Variants in EIF4G3 observed in about 807,000 individuals in gnomAD.
EIF4G3 encodes eIF-4-gamma 3.
Under a neutral mutation model 186.4 loss-of-function variants are expected in EIF4G3, and 34 were observed. The observed-to-expected ratio is 0.18, with a 90% confidence interval of 0.14 to 0.24. The LOEUF is 0.24. Ranked by LOEUF, EIF4G3 falls within the 10% of genes least tolerant of loss-of-function variation. EIF4G3 has a pLI of 1.00. For synonymous variants in EIF4G3, 673 were observed against 679.5 expected (o/e 0.99, Z 0.15); for missense variants, 1,536 against 1,948.5 (o/e 0.79, Z 3.99).
rs114614174 is a variant in EIF4G3, at chr1:20,847,007, T to C, written c.3888+2408A>G. ...AAAAAATATTTTTAAGATCAGCTCT[T>C]TAAGTCTTTAGCCTGACACACTAAT... is the stretch of plus-strand genomic sequence containing the variant. On this transcript the variant is annotated intron_variant, in intron 29 of 36. Transcript: ENST00000602326. Among the ~76,000 whole-genome samples the C allele has an allele frequency of 5.2e-3, 786 of 152,330 alleles. 7 individuals are homozygous for C. The highest frequency in any genetic ancestry group is 0.018 in the African/African-American group (755 of 41,578).
rs562637362 is a variant in EIF4G3, at chr1:21,078,606, T to C, written c.-196+10532A>G. On this transcript the variant is annotated intron_variant, in intron 3 of 36. Transcript: ENST00000602326. ...CAAAATAGCTAGAAGATTTCAAATG[T>C]TTCTAACACAAAAGATAAATATTTG... is the stretch of plus-strand genomic sequence containing the variant. Among the ~76,000 whole-genome samples, 118 of 152,356 alleles carry C rather than the reference T, an allele frequency of 7.7e-4. 1 individual carries two copies. The highest frequency in any genetic ancestry group is 7.9e-4 in the Non-Finnish European group (54 of 68,032).
At chr1:20,858,534 T>C (rs1311720549) in intron 24 of EIF4G3, among the ~76,000 whole-genome samples, 2 of 152,202 alleles carry the variant, frequency 1.3e-5, no homozygotes, top group Non-Finnish European at 2.9e-5. Flanking sequence ...AGATTTGCAC[T>C]CCCTAGTCCC....
intron 4 of EIF4G3, among the ~76,000 whole-genome samples, chr1:21,007,056 G>A (rs563687469): frequency 3.9e-5 from 6 of 152,208 alleles, no homozygotes; most frequent in African/African-American, 1.4e-4. Context: ...CACACTGTAT[G>A]TGAACAAACA....
intron 33 of EIF4G3, among the ~76,000 whole-genome samples, chr1:20,821,350 G>GCTGGGTACTGGTAAGTT (rs1557780832): frequency 6.6e-6 from 1 of 152,214 alleles, no homozygotes; most frequent in Admixed American, 6.5e-5. Flanking sequence ...CTGCCACTGG[G>GCTGGGTACTGGTAAGTT]CTGGGTACTG....
intron 30 of EIF4G3, among the ~76,000 whole-genome samples, chr1:20,834,244 T>C (rs2154548497): frequency 6.6e-6 from 1 of 152,230 alleles, no homozygotes; most frequent in South Asian, 2.1e-4. Context: ...AGCCTAGTTG[T>C]TGGAGACCAG....
intron 29 of EIF4G3, among the ~76,000 whole-genome samples, chr1:20,848,203 G>C (rs557109620): frequency 6.6e-6 from 1 of 152,302 alleles, no homozygotes; most frequent in African/African-American, 2.4e-5. Flanking sequence ...TTGAGCTTAA[G>C]TGATCCTCCT....
intron 4 of EIF4G3, among the ~76,000 whole-genome samples, chr1:21,003,200 G>T (rs1253012032): frequency 1.6e-4 from 24 of 148,768 alleles, no homozygotes; most frequent in African/African-American, 5.9e-4. Context: ...CAGAGACAGG[G>T]TCTCACTTTG....
At chr1:20,861,009 T>C (rs1018555217) in intron 23 of EIF4G3, among the ~76,000 whole-genome samples, 1 of 152,174 alleles carries the variant, frequency 6.6e-6, no homozygotes, top group African/African-American at 2.4e-5. Flanking sequence ...ATCATGGTTC[T>C]GATATTCTAC....
chr1:21,015,753 A>G (rs1273328395), intron 4 of EIF4G3, among the ~76,000 whole-genome samples: 3 of 68,356 alleles, frequency 4.4e-5, no homozygotes, highest in Admixed American at 1.9e-4. Context: ...TGCTGAAAGG[A>G]AAGAAAAAAA....
intron 34 of EIF4G3, among the ~76,000 whole-genome samples, chr1:20,816,215 G>T (rs1180459397): frequency 1.2e-5 from 1 of 84,788 alleles, no homozygotes; most frequent in Non-Finnish European, 2.5e-5. Flanking sequence ...CGCCCCGTCC[G>T]GGAGGGAGGT....
Position 20,862,283 on chromosome 1 carries a change from C to T in EIF4G3, c.3056G>A (p.Arg1019Lys), listed in dbSNP as rs140595857. 2 of 1,611,856 alleles carry T rather than the reference C, an allele frequency of 1.2e-6. No homozygotes were observed. The highest frequency in any genetic ancestry group is 4.5e-5 in the East Asian group (2 of 44,778). The change falls in exon 23 of 37, where the codon AGA (arginine) becomes AAA (lysine). Residue 1019 changes from arginine (R) to lysine (K), a missense_variant. By Grantham distance (26) the Arg-to-Lys change is conservative (BLOSUM62 2). Around this residue, in one of 11 missense-constraint regions of EIF4G3, gnomAD observed 110 missense variants for 166.2 expected, o/e 0.66. Transcript: ENST00000602326. The part of the protein sequence containing the change: ...FNQMEKIVKE[R>K]KTSSRIRFML... ...GAACCGAATCCTAGATGAGGTTTTT[C>T]TTTCTTTCACAATTTTCTCCATCTG... is the stretch of plus-strand genomic sequence containing the variant.
At position 21,154,167 on chromosome 1, in the gene EIF4G3, G is replaced by A. The variant is rs1406950235; in HGVS notation, c.-272+22008C>T. Among the ~76,000 whole-genome samples the A allele has an allele frequency of 3.9e-5, 6 of 152,220 alleles. No homozygotes were observed. The East Asian group carries it at 7.7e-4, about 20-fold the overall frequency. ...GATGTCCTACTGGAAATAAGATAAC[G>A]GAACATTCAAAAACCATTCTTCCCT... On this transcript the variant is annotated intron_variant, in intron 2 of 36. Transcript: ENST00000602326.
intron 3 of EIF4G3, 127 bp downstream of exon 3, chr1:21,089,011 T>C (rs2096087478): frequency 1.6e-6 from 1 of 625,996 alleles, no homozygotes; most frequent in Non-Finnish European, 2.9e-6. Flanking sequence ...ATCATTCTAT[T>C]CAGAATTTTA....
In EIF4G3 at chr1:21,095,165, T is replaced by C. The variant is rs141552945; in HGVS notation, c.-271-5952A>G. On this transcript the variant is annotated intron_variant, in intron 2 of 36. Transcript: ENST00000602326. ...CCTTAATCAAACACATTAATATCTCTACAGCAAAATATATGAATATTCAAA... is the reference window on the plus strand; with the variant it reads ...CCTTAATCAAACACATTAATATCTCCACAGCAAAATATATGAATATTCAAA... Among the ~76,000 whole-genome samples, 257 of 152,278 alleles carry C rather than the reference T, an allele frequency of 1.7e-3. 1 individual carries two copies. The highest frequency in any genetic ancestry group is 5.7e-3 in the African/African-American group (239 of 41,566).
At chr1:21,014,144 G>A (rs1472535945) in intron 4 of EIF4G3, among the ~76,000 whole-genome samples, 1 of 152,172 alleles carries the variant, frequency 6.6e-6, no homozygotes, top group African/African-American at 2.4e-5. Context: ...ACTCCAGCCT[G>A]GGTGACAAAG....
chr1:20,978,567 T>C (rs2077313012), intron 10 of EIF4G3, among the ~76,000 whole-genome samples: 1 of 152,072 alleles, frequency 6.6e-6, no homozygotes. Context: ...GATAAAATCT[T>C]GCACTGTCCT....
chr1:20,841,723 G>A (rs2068663772), intron 29 of EIF4G3, among the ~76,000 whole-genome samples: 1 of 152,218 alleles, frequency 6.6e-6, no homozygotes, highest in South Asian at 2.1e-4. Flanking sequence ...GGTCTGAAGG[G>A]TGAAAGTCGG....
chr1:21,081,276 C>A (rs1365883012), intron 3 of EIF4G3, among the ~76,000 whole-genome samples: 2 of 152,024 alleles, frequency 1.3e-5, no homozygotes. Flanking sequence ...ACTAAAAATA[C>A]AAAAAATTAG....
At chr1:20,915,452 C>T (rs1271491753) in intron 14 of EIF4G3, among the ~76,000 whole-genome samples, 3 of 151,428 alleles carry the variant, frequency 2.0e-5, no homozygotes, top group Non-Finnish European at 4.4e-5. Context: ...TAAATACAAA[C>T]CCTCCGCCCC....
Sources: gnomAD v4.1 joint callset for allele counts (sites outside exome capture counted in the v4.1 genomes callset) on GRCh38, gnomAD v4.1.1 for gene constraint, gnomAD v4.1.1 regional missense constraint, MANE v1.5 for transcripts, NCBI Gene and HGNC (gene_info 2026-07-23, HGNC 2026-07-21) for gene names.